Variants in LYRM7 observed in about 807,000 individuals in gnomAD.
LYRM7 encodes the protein complex III assembly factor LYRM7.
In LYRM7, 9 loss-of-function variants were observed where a neutral mutation model predicts 15.8. The ratio of observed to expected loss-of-function variants is 0.57; its 90% CI spans 0.34 to 0.99. LYRM7 has a LOEUF of 0.99. Among genes scored for constraint, LYRM7 ranks in the 50% least tolerant of loss-of-function variants. The pLI is 0.02. For missense variants in LYRM7, 115 were observed against 119.1 expected (o/e 0.97, Z 0.16); for synonymous variants, 39 against 39.4 (o/e 0.99, Z 0.04).
Position 131,180,121 on chromosome 5 carries a change from C to G in LYRM7, c.45C>G (p.His15Gln). ...TTTTACAGCTCTTTAAAACACTGCA[C>G]AGGACCAGACAACAAGTTTTTAAAA... ...VKVLQLFKTL[H>Q]RTRQQVFKND... is the part of the protein sequence containing the mutation. Residue 15 changes from histidine to glutamine, a missense_variant, in exon 2 of 5, where the codon CAC (histidine) becomes CAG (glutamine). Coordinates refer to ENST00000379380, the MANE Select transcript of LYRM7 (RefSeq NM_181705.4). 2 of 1,612,822 alleles carry G rather than the reference C, an allele frequency of 1.2e-6. No individual in the cohort carries two copies. The highest frequency in any genetic ancestry group is 1.1e-5 in the South Asian group (1 of 91,024).
rs1350546583 is a variant in LYRM7 at position 131,181,400 on chromosome 5, T to C, written c.92-829T>C. Among the ~76,000 whole-genome samples, 4 of 113,480 alleles carry C rather than the reference T, an allele frequency of 3.5e-5. No individual in the cohort carries two copies. In the East Asian group the frequency reaches 6.5e-4, roughly 18 times the overall value. 74.4% of individuals were successfully genotyped at this position (113,480 alleles called of 152,430 possible). A position where few individuals can be genotyped will look rare whatever the true frequency, so the allele number is the denominator to read the frequency against. ...ATATATAATATATACATATATATTA[T>C]ATATACATATATATGTTTATATATA... On this transcript the variant is annotated intron_variant, in intron 2 of 4. Coordinates refer to ENST00000379380, the MANE Select transcript of LYRM7 (RefSeq NM_181705.4).
rs1580704276 is a variant in LYRM7 at position 131,203,626 on chromosome 5, G to A, written c.*4025G>A. 6.6e-6 allele frequency: 1 copy of A among 152,378 alleles called. No individual in the cohort carries two copies. The highest frequency in any genetic ancestry group is 2.1e-4 in the South Asian group (1 of 4,836). The allele number at this position is 152,378 out of a possible 1,614,324, so 9.4% of individuals were successfully genotyped here. A position where few individuals can be genotyped will look rare whatever the true frequency, so the allele number is the denominator to read the frequency against. ...GAGAATCGCTTGAACCCGGTAGGCA[G>A]ATGTTGCAGTGAGCCGAGATCGCAC... On this transcript the variant is annotated 3_prime_UTR_variant, in exon 5 of 5. Coordinates refer to ENST00000379380, the MANE Select transcript of LYRM7 (RefSeq NM_181705.4).
In LYRM7 at chr5:131,182,242, G is replaced by A; in HGVS notation, c.105G>A (p.Lys35=). The change falls in exon 3 of 5, where the codon AAG becomes AAA. Residue 35 remains lysine (K), a synonymous_variant. Coordinates refer to ENST00000379380, the MANE Select transcript of LYRM7 (RefSeq NM_181705.4). ...DARALEAARI[K]INEEFKNNKS... The stretch of plus-strand genomic sequence containing the variant: ...TTCTCTTTGTAGCAGCCAGAATAAA[G>A]ATAAATGAAGAATTCAAAAATAATA... 1.4e-6 allele frequency: 2 copies of A among 1,432,250 alleles called. No individual in the cohort carries two copies. The highest frequency in any genetic ancestry group is 1.2e-5 in the South Asian group (1 of 80,210). 88.7% of individuals were successfully genotyped at this position (1,432,250 alleles called of 1,614,324 possible).
Position 131,204,513 on chromosome 5 carries a change from C to CACAG in LYRM7, c.*4913_*4914insCAGA. ...ACACACACACACACACACACACACA[C>CACAG]AGTTTGGGTATCCCTAATCCAGAAA... On this transcript the variant is annotated 3_prime_UTR_variant, in exon 5 of 5. Coordinates refer to ENST00000379380, the MANE Select transcript of LYRM7 (RefSeq NM_181705.4). 6.9e-6 allele frequency: 1 copy of CACAG among 145,412 alleles called. No homozygotes were observed. The highest frequency in any genetic ancestry group is 1.5e-5 in the Non-Finnish European group (1 of 66,766). 9.0% of individuals were successfully genotyped at this position (145,412 alleles called of 1,614,324 possible).
At chr5:131,197,296 A>G (rs1477044362) in intron 4 of LYRM7, among the ~76,000 whole-genome samples, 1 of 152,236 alleles carries the variant, frequency 6.6e-6, no homozygotes, top group African/African-American at 2.4e-5. Flanking sequence ...AATTATTGCC[A>G]TTGTTAACAA....
intron 1 of LYRM7, among the ~76,000 whole-genome samples, chr5:131,176,275 A>C (rs1303625648): frequency 6.6e-6 from 1 of 152,182 alleles, no homozygotes; most frequent in Non-Finnish European, 1.5e-5. Context: ...TCATAAGATA[A>C]CTGTAGGTTT....
chr5:131,186,579 T>C (rs1021182723), intron 3 of LYRM7, among the ~76,000 whole-genome samples: 3 of 152,244 alleles, frequency 2.0e-5, no homozygotes, highest in African/African-American at 4.8e-5. Flanking sequence ...TGATAAAGTT[T>C]AATTTATAAA....
intron 2 of LYRM7, 62 bp from the exon 3 acceptor site, chr5:131,182,167 T>A: frequency 7.8e-7 from 1 of 1,288,294 alleles, no homozygotes; most frequent in Non-Finnish European, 1.0e-6. Flanking sequence ...AATGTGTCAA[T>A]TATTGAGATA....
chr5:131,200,323 A>C lies in LYRM7; in HGVS notation c.*722A>C, dbSNP rs1449392957. ...TTAGTAGAATTAGCTGTATTTAGAC[A>C]AAGTTAGACTTTAGTGTGAAATGTA... On this transcript the variant is annotated 3_prime_UTR_variant, in exon 5 of 5. Coordinates refer to ENST00000379380, the MANE Select transcript of LYRM7 (RefSeq NM_181705.4). The C allele has an allele frequency of 6.6e-6, 1 of 152,336 alleles. No homozygotes were observed. Among genetic ancestry groups the C allele is most frequent in the Non-Finnish European group, 1.5e-5 (1 of 68,012 alleles). 9.4% of individuals were successfully genotyped at this position (152,336 alleles called of 1,614,324 possible).
chr5:131,187,015 GT>G lies in LYRM7; in HGVS notation c.163-9del. Reference sequence around the variant, plus strand: ...CTAAAGGACTTACTCTATTTGTTTGGTTTTCTTAACAGCTAATGAAAATAGG... The same window carrying G: ...CTAAAGGACTTACTCTATTTGTTTGGTTTCTTAACAGCTAATGAAAATAGG... On this transcript the variant is annotated splice_polypyrimidine_tract_variant and intron_variant, in intron 3 of 4. Transcript: ENST00000379380. 6.8e-7 allele frequency: 1 copy of G among 1,465,386 alleles called. No homozygotes were observed. The highest frequency in any genetic ancestry group is 9.4e-7 in the Non-Finnish European group (1 of 1,066,058). The allele number at this position is 1,465,386 out of a possible 1,614,324, so 90.8% of individuals were successfully genotyped here. A position where few individuals can be genotyped will look rare whatever the true frequency, so the allele number is the denominator to read the frequency against.
chr5:131,179,693 T>C (rs1239918414), intron 1 of LYRM7, among the ~76,000 whole-genome samples: 5 of 152,102 alleles, frequency 3.3e-5, no homozygotes, highest in Admixed American at 3.3e-4. Flanking sequence ...CCTAGCACTT[T>C]GGGAGGCCAA....
At chr5:131,176,357 G>A (rs1755602604) in intron 1 of LYRM7, among the ~76,000 whole-genome samples, 1 of 152,094 alleles carries the variant, frequency 6.6e-6, no homozygotes, top group Non-Finnish European at 1.5e-5. Flanking sequence ...CAATGTATAA[G>A]AGTTCCTATT....
In LYRM7 at chr5:131,200,601, A is replaced by T. The variant is rs1048157481; in HGVS notation, c.*1000A>T. 6.6e-6 allele frequency: 1 copy of T among 152,358 alleles called. No individual in the cohort carries two copies. The highest frequency in any genetic ancestry group is 6.5e-5 in the Admixed American group (1 of 15,274). The allele number at this position is 152,358 out of a possible 1,614,324, so 9.4% of individuals were successfully genotyped here. On this transcript the variant is annotated 3_prime_UTR_variant, in exon 5 of 5. Transcript: ENST00000379380. Reference sequence around the variant, plus strand: ...TGATAAATTCTCTCATTTGATGATGATACAGGGTTTTTAATTTTTGCAAGA... The same window carrying T: ...TGATAAATTCTCTCATTTGATGATGTTACAGGGTTTTTAATTTTTGCAAGA...
At chr5:131,182,422 G>T in intron 3 of LYRM7, 123 bp downstream of exon 3, 1 of 924,730 alleles carries the variant, frequency 1.1e-6, no homozygotes, top group Non-Finnish European at 1.5e-6. Flanking sequence ...CATCACAACT[G>T]TAGATAACCT....
rs1208669077 is a variant in LYRM7 at position 131,181,316 on chromosome 5, T to TATATATATATATAC, written c.92-912_92-911insTATATATATATACA. Among the ~76,000 whole-genome samples, 105 of 27,606 alleles carry TATATATATATATAC rather than the reference T, an allele frequency of 3.8e-3. 5 individuals are homozygous for TATATATATATATAC. Among genetic ancestry groups the TATATATATATATAC allele is most frequent in the South Asian group, 0.017 (10 of 602 alleles). The allele number at this position is 27,606 out of a possible 152,430, so 18.1% of individuals were successfully genotyped here. Reference sequence around the variant, plus strand: ...AAAAAAAAAAAAATATATATATATATACACACACACACACATATATATAAC... The same window carrying TATATATATATATAC: ...AAAAAAAAAAAAATATATATATATATATATATATATATACACACACACACACACATATATATAAC... On this transcript the variant is annotated intron_variant, in intron 2 of 4. Transcript: ENST00000379380.
At position 131,199,551 on chromosome 5, in the gene LYRM7, C is replaced by G; in HGVS notation, c.265C>G (p.Leu89Val). ...NTLKLVPRKD[L>V]LVENVPYCDA... ...TTCAGAACTGGTCCCTAGGAAAGAC[C>G]TTCTTGTAGAAAATGTGCCATATTG... Residue 89 changes from leucine (L) to valine (V), a missense_variant, in exon 5 of 5, where the codon CTT (leucine) becomes GTT (valine). Leu to Val is a conservative substitution (Grantham distance 32, BLOSUM62 1). Coordinates refer to ENST00000379380, the MANE Select transcript of LYRM7 (RefSeq NM_181705.4). 1 of 1,600,580 alleles carries G rather than the reference C, an allele frequency of 6.2e-7. No individual in the cohort carries two copies. Among genetic ancestry groups the G allele is most frequent in the Non-Finnish European group, 8.5e-7 (1 of 1,173,660 alleles).
chr5:131,188,348 G>A (rs903769212), intron 4 of LYRM7, among the ~76,000 whole-genome samples: 39 of 149,856 alleles, frequency 2.6e-4, no homozygotes, highest in African/African-American at 9.6e-4. Flanking sequence ...TAATTGTATA[G>A]CTCAGTGAAT....
intron 1 of LYRM7, among the ~76,000 whole-genome samples, chr5:131,179,861 A>G (rs1262812392): frequency 1.3e-5 from 2 of 152,032 alleles, no homozygotes; most frequent in African/African-American, 2.4e-5. Flanking sequence ...GCTTGAACCC[A>G]GGAGGCGGAG....
rs1474619979 is a variant in LYRM7, at chr5:131,204,129, C to G, written c.*4528C>G. 6.6e-6 allele frequency: 1 copy of G among 150,470 alleles called. No individual in the cohort carries two copies. The highest frequency in any genetic ancestry group is 1.5e-5 in the Non-Finnish European group (1 of 67,750). 9.3% of individuals were successfully genotyped at this position (150,470 alleles called of 1,614,324 possible). ...TTTTTTTTTTTTAGAGACAAGATCT[C>G]TCCGTGTTGTCTAGGCTGGACTCAA... On this transcript the variant is annotated 3_prime_UTR_variant, in exon 5 of 5. Transcript: ENST00000379380.
Sources: allele counts gnomAD v4.1 joint callset (sites outside exome capture counted in the v4.1 genomes callset), GRCh38; gene constraint gnomAD v4.1.1; transcripts MANE v1.5; gene names NCBI Gene and HGNC (gene_info 2026-07-23, HGNC 2026-07-21).